RAB9B: variants seen among roughly 807,000 people sequenced by gnomAD.
RAB9B encodes RAB9B, member RAS oncogene family, also known as ras-related protein Rab-9B.
RAB9B carries 1 observed loss-of-function variant against 8.9 expected under a neutral mutation model. That is an observed-to-expected ratio of 0.11 (90% CI 0.04 to 0.53). The LOEUF is 0.53. RAB9B is among the 20% of genes least tolerant of loss of function. RAB9B has a pLI of 0.93. For synonymous variants in RAB9B, 63 were observed against 57.0 expected, an observed-to-expected ratio of 1.10 and a Z score of -0.47; for missense variants, 82 against 152.9, an observed-to-expected ratio of 0.54 and a Z score of 2.45.
the RAB9B span, among the ~76,000 whole-genome samples, chrX:103,803,933 C>A: frequency 8.9e-6 from 1 of 112,724 alleles, no homozygotes. Context: ...CAAATATTTT[C>A]TCCCATTCTT....
the RAB9B span, chrX:103,791,299 C>G: frequency 3.8e-5 from 4 of 104,222 alleles, no homozygotes; most frequent in Non-Finnish European, 8.0e-5. Context: ...GGGCATCTGG[C>G]CTTACACCTC....
chrX:103,826,768 GGAT>G (rs1195604838), intron 2 of RAB9B, among the ~76,000 whole-genome samples: 4 of 111,442 alleles, frequency 3.6e-5, no homozygotes, highest in Non-Finnish European at 5.7e-5. Context: ...GAGGTTAATT[GGAT>G]GATATTTATA....
Position 103,822,749 on chromosome X carries a change from T to A in RAB9B, c.*2430A>T, listed in dbSNP as rs1389446257. On this transcript the variant is annotated 3_prime_UTR_variant, in exon 3 of 3. Coordinates refer to ENST00000243298, the MANE Select transcript of RAB9B (RefSeq NM_016370.4). ...AACCTATATGCACAGTTCTTGGTACTCACAGATTTCAGCCTTTGGTGTTTT... is the reference window on the plus strand; with the variant it reads ...AACCTATATGCACAGTTCTTGGTACACACAGATTTCAGCCTTTGGTGTTTT... The A allele has an allele frequency of 8.9e-6, 1 of 111,891 alleles. No individual in the cohort carries two copies. 9.2% of individuals were successfully genotyped at this position (111,891 alleles called of 1,213,427 possible). A position where few individuals can be genotyped will look rare whatever the true frequency, so the allele number is the denominator to read the frequency against.
the RAB9B span, among the ~76,000 whole-genome samples, chrX:103,802,481 G>A: frequency 1.8e-5 from 2 of 111,241 alleles, no homozygotes; most frequent in African/African-American, 3.3e-5. Flanking sequence ...ACATATTAAG[G>A]GTAAGCAGGA....
At chrX:103,802,757 C>T in the RAB9B span, among the ~76,000 whole-genome samples, 1 of 111,185 alleles carries the variant, frequency 9.0e-6, no homozygotes, top group African/African-American at 3.3e-5. Flanking sequence ...ATGACCACAA[C>T]CAATCTTAGA....
rs1314649476 is a variant in RAB9B, at chrX:103,823,829, T to C, written c.*1350A>G. ...AAAAGCAAAAGGAAGAGCTATGTAG[T>C]TGCTGTTAAAGATTGATCACAGAAT... On this transcript the variant is annotated 3_prime_UTR_variant, in exon 3 of 3. Transcript: ENST00000243298. The C allele has an allele frequency of 8.9e-6, 1 of 112,419 alleles. No individual in the cohort carries two copies. Among genetic ancestry groups the C allele is most frequent in the Non-Finnish European group, 1.9e-5 (1 of 53,297 alleles). 9.3% of individuals were successfully genotyped at this position (112,419 alleles called of 1,213,427 possible).
At chrX:103,792,888 A>C in the RAB9B span, among the ~76,000 whole-genome samples, 1 of 112,499 alleles carries the variant, frequency 8.9e-6, no homozygotes, top group Non-Finnish European at 1.9e-5. Flanking sequence ...TTTATTGCCT[A>C]CTTAAAGGTT....
rs1361292742 is a variant in RAB9B at position 103,824,606 on chromosome X, A to G, written c.*573T>C. The G allele has an allele frequency of 8.9e-6, 1 of 112,188 alleles. No individual in the cohort carries two copies. Among genetic ancestry groups the G allele is most frequent in the Non-Finnish European group, 1.9e-5 (1 of 53,271 alleles). The allele number at this position is 112,188 out of a possible 1,213,427, so 9.2% of individuals were successfully genotyped here. ...TGAAAAGCTCAGATGGGAGCGAACC[A>G]TACATAAGGATTTAAACAAGTCAGT... On this transcript the variant is annotated 3_prime_UTR_variant, in exon 3 of 3. Coordinates refer to ENST00000243298, the MANE Select transcript of RAB9B (RefSeq NM_016370.4).
the RAB9B span, chrX:103,790,846 T>G: frequency 2.5e-6 from 1 of 404,685 alleles, no homozygotes; most frequent in Non-Finnish European, 4.3e-6. Context: ...CCTAAGAAGA[T>G]GACTTCCCAA....
chrX:103,801,648 A>G, the RAB9B span, among the ~76,000 whole-genome samples: 2 of 111,594 alleles, frequency 1.8e-5, no homozygotes, highest in African/African-American at 6.5e-5. Context: ...TCATCATTCT[A>G]ATTTTAAAGA....
chrX:103,804,116 T>A, the RAB9B span, among the ~76,000 whole-genome samples: 1 of 112,109 alleles, frequency 8.9e-6, no homozygotes, highest in Admixed American at 9.5e-5. Context: ...CTTCTAAGAG[T>A]TTTATAGTTT....
At chrX:103,790,635 C>T in the RAB9B span, 53 of 1,009,906 alleles carry the variant, frequency 5.2e-5, no homozygotes, top group Middle Eastern at 5.1e-4. Context: ...AATAGCGAGG[C>T]TCTAACCACA....
At chrX:103,812,591 G>A in the RAB9B span, among the ~76,000 whole-genome samples, 1 of 112,183 alleles carries the variant, frequency 8.9e-6, no homozygotes, top group Non-Finnish European at 1.9e-5. Flanking sequence ...ACAATTTTCT[G>A]TAGCTTTTGT....
chrX:103,827,977 C>T (rs1382686080), intron 1 of RAB9B, among the ~76,000 whole-genome samples: 14 of 112,161 alleles, frequency 1.2e-4, no homozygotes, highest in Middle Eastern at 4.6e-3. Flanking sequence ...GTTCATCTGT[C>T]TTAAACACCA....
At chrX:103,796,431 T>C in the RAB9B span, among the ~76,000 whole-genome samples, 1 of 111,803 alleles carries the variant, frequency 8.9e-6, no homozygotes, top group Non-Finnish European at 1.9e-5. Context: ...ATTGTGCCAC[T>C]GCACTCCAGT....
chrX:103,795,837 C>T, the RAB9B span, among the ~76,000 whole-genome samples: 1 of 111,641 alleles, frequency 9.0e-6, no homozygotes, highest in Non-Finnish European at 1.9e-5. Flanking sequence ...AATGGCTCAG[C>T]TAATTACTGC....
chrX:103,785,556 G>T, the RAB9B span: 25 of 1,188,518 alleles, frequency 2.1e-5, no homozygotes, highest in Non-Finnish European at 2.7e-5. Flanking sequence ...GGATGTGCCT[G>T]ACTGTTTCCC....
chrX:103,787,403 G>T, the RAB9B span: 1 of 223,371 alleles, frequency 4.5e-6, no homozygotes, highest in Non-Finnish European at 8.1e-6. Context: ...TATTGGCTTT[G>T]TTCAATGGCT....
At chrX:103,826,152 C>G (rs1377280656) in intron 2 of RAB9B, among the ~76,000 whole-genome samples, 1 of 111,885 alleles carries the variant, frequency 8.9e-6, no homozygotes, top group Non-Finnish European at 1.9e-5. Flanking sequence ...AAATGTGTGA[C>G]AACTTTAGCT....
Sources: gnomAD v4.1 joint callset for allele counts (sites outside exome capture counted in the v4.1 genomes callset) on GRCh38, gnomAD v4.1.1 for gene constraint, MANE v1.5 for transcripts, NCBI Gene and HGNC (gene_info 2026-07-23, HGNC 2026-07-21) for gene names.